SIL1: variants seen among roughly 807,000 people sequenced by gnomAD.
The protein encoded by SIL1 is SIL1 nucleotide exchange factor.
Under a neutral mutation model 49.1 loss-of-function variants are expected in SIL1, and 40 were observed. That is an observed-to-expected ratio of 0.81 (90% CI 0.63 to 1.06). SIL1 has a LOEUF of 1.06. Among genes scored for constraint, SIL1 ranks in the 50% least tolerant of loss-of-function variants. The probability of loss-of-function intolerance (pLI) is 0.00; values close to 1 mark genes in which losing one functional copy is unlikely to be tolerated. For missense variants in SIL1, 500 were observed against 572.6 expected, an observed-to-expected ratio of 0.87 and a Z score of 1.29; for synonymous variants, 253 against 250.8, an observed-to-expected ratio of 1.01 and a Z score of -0.08.
At chr5:139,025,166 T>C (rs1391239070) in intron 6 of SIL1, among the ~76,000 whole-genome samples, 1 of 151,816 alleles carries the variant, frequency 6.6e-6, no homozygotes, top group Non-Finnish European at 1.5e-5. Flanking sequence ...TGGGAGTTAG[T>C]AGACACTTGA....
chr5:139,014,025 C>A (rs1768342110), intron 7 of SIL1: 1 of 152,100 alleles, frequency 6.6e-6, no homozygotes, highest in East Asian at 1.9e-4. Flanking sequence ...ATACCAGTTC[C>A]CATGCTCAAG....
At chr5:139,155,128 G>C (rs1751382129) in intron 1 of SIL1, among the ~76,000 whole-genome samples, 1 of 152,168 alleles carries the variant, frequency 6.6e-6, no homozygotes, top group African/African-American at 2.4e-5. Flanking sequence ...TGGAGTTATA[G>C]TTATCCACAG....
At chr5:139,042,869 G>A in intron 4 of SIL1, 150 bp from the exon 5 acceptor site, 1 of 729,696 alleles carries the variant, frequency 1.4e-6, no homozygotes, top group South Asian at 1.6e-5. Context: ...GGATGTGATG[G>A]TATGTGCCTG....
chr5:139,147,562 T>G (rs1323709484), intron 1 of SIL1, among the ~76,000 whole-genome samples: 1 of 152,158 alleles, frequency 6.6e-6, no homozygotes, highest in East Asian at 1.9e-4. Flanking sequence ...GCCTCAGCAC[T>G]CCAGAGGAGG....
At chr5:139,150,001 A>C (rs989497312) in intron 1 of SIL1, among the ~76,000 whole-genome samples, 3 of 152,198 alleles carry the variant, frequency 2.0e-5, no homozygotes, top group Non-Finnish European at 4.4e-5. Flanking sequence ...TAAGCCTGCA[A>C]CTTGCATAAC....
chr5:139,115,092 C>G lies in SIL1; in HGVS notation c.244+5943G>C, dbSNP rs959954261. On this transcript the variant is annotated intron_variant, in intron 3 of 9. Transcript: ENST00000394817. ...ACAGAAGAGATTATACTCTTGGGGA[C>G]CATGGGGAATGAGAAGACCCGTAAG... Among the ~76,000 whole-genome samples, 4 of 152,166 alleles carry G rather than the reference C, an allele frequency of 2.6e-5. No individual in the cohort carries two copies. In the East Asian group the frequency reaches 5.8e-4, roughly 22 times the overall value.
intron 1 of SIL1, among the ~76,000 whole-genome samples, chr5:139,195,969 G>C (rs1752263119): frequency 6.6e-6 from 1 of 152,174 alleles, no homozygotes; most frequent in Non-Finnish European, 1.5e-5. Context: ...AGAATCGCTT[G>C]AGGCCAGGAA....
intron 3 of SIL1, among the ~76,000 whole-genome samples, chr5:139,061,217 G>T (rs1365106350): frequency 1.3e-5 from 2 of 152,210 alleles, no homozygotes; most frequent in Non-Finnish European, 2.9e-5. Flanking sequence ...CCAGTGACAG[G>T]GCCTGCTCAG....
At chr5:139,152,337 T>C (rs1031424738) in intron 1 of SIL1, among the ~76,000 whole-genome samples, 4 of 152,114 alleles carry the variant, frequency 2.6e-5, no homozygotes, top group African/African-American at 9.7e-5. Flanking sequence ...TGTAGAGGGA[T>C]TGGCCAGGCA....
chr5:139,185,446 G>C (rs754929930), intron 1 of SIL1, among the ~76,000 whole-genome samples: 23 of 152,182 alleles, frequency 1.5e-4, no homozygotes, highest in Non-Finnish European at 2.6e-4. Flanking sequence ...TCATGTTTCT[G>C]TAACAAGAAA....
At chr5:139,143,523 A>AC (rs765053922) in intron 1 of SIL1, among the ~76,000 whole-genome samples, 153 of 151,908 alleles carry the variant, frequency 1.0e-3, no homozygotes, top group Non-Finnish European at 1.9e-3. Flanking sequence ...GGCATGTACC[A>AC]CCACACATGG....
chr5:138,987,662 GCAAA>G (rs1001788740), intron 7 of SIL1, among the ~76,000 whole-genome samples: 1 of 152,086 alleles, frequency 6.6e-6, no homozygotes, highest in African/African-American at 2.4e-5. Context: ...GACTGCCCTG[GCAAA>G]CACTCTAAAT....
At chr5:139,015,180 C>T (rs1402980263) in intron 7 of SIL1, among the ~76,000 whole-genome samples, 3 of 152,170 alleles carry the variant, frequency 2.0e-5, no homozygotes, top group African/African-American at 7.2e-5. Context: ...CCACCCAATA[C>T]TAGGTCCTAT....
intron 1 of SIL1, among the ~76,000 whole-genome samples, chr5:139,146,856 T>A (rs1306964268): frequency 1.3e-5 from 2 of 152,220 alleles, no homozygotes; most frequent in Non-Finnish European, 2.9e-5. Flanking sequence ...AGATAATCAC[T>A]TTTATTTTCT....
At chr5:139,025,217 G>A (rs1768618090) in intron 6 of SIL1, among the ~76,000 whole-genome samples, 1 of 152,096 alleles carries the variant, frequency 6.6e-6, no homozygotes. Flanking sequence ...TTGGCTCCTT[G>A]TTAGCTCCAC....
Position 138,955,331 on chromosome 5 carries a change from A to C in SIL1, c.768-3447T>G, listed in dbSNP as rs143210161. Among the ~76,000 whole-genome samples, 850 of 152,334 alleles carry C rather than the reference A, an allele frequency of 5.6e-3. 10 individuals carry two copies. Among genetic ancestry groups the C allele is most frequent in the African/African-American group, 0.02 (811 of 41,566 alleles). ...TACCATTAGCACTTGGATTACTGGG[A>C]TGTTCACAATCAGCAGGCAAGTCAG... On this transcript the variant is annotated intron_variant, in intron 7 of 9. Coordinates refer to ENST00000394817, the MANE Select transcript of SIL1 (RefSeq NM_022464.5).
At chr5:139,057,683 C>T (rs750235303) in intron 3 of SIL1, among the ~76,000 whole-genome samples, 10 of 152,210 alleles carry the variant, frequency 6.6e-5, no homozygotes, top group Non-Finnish European at 1.3e-4. Context: ...GAACCAAAAG[C>T]ATCTGCTTTA....
intron 3 of SIL1, among the ~76,000 whole-genome samples, chr5:139,057,198 T>C (rs1206367704): frequency 6.6e-6 from 1 of 151,004 alleles, no homozygotes; most frequent in Admixed American, 6.6e-5. Context: ...CGCAGAGTCC[T>C]CTGCCTAGGA....
intron 3 of SIL1, among the ~76,000 whole-genome samples, chr5:139,070,140 A>G (rs1769798674): frequency 6.6e-6 from 1 of 152,242 alleles, no homozygotes; most frequent in African/African-American, 2.4e-5. Context: ...AAGAACAATG[A>G]GAGCACACAC....
Sources: gnomAD v4.1 joint callset for allele counts (sites outside exome capture counted in the v4.1 genomes callset) on GRCh38, gnomAD v4.1.1 for gene constraint, MANE v1.5 for transcripts, NCBI Gene and HGNC (gene_info 2026-07-23, HGNC 2026-07-21) for gene names.